PDZD2: variants seen among roughly 807,000 people sequenced by gnomAD.
PDZD2 encodes the protein PDZ domain-containing protein 2.
Under a neutral mutation model 220.7 loss-of-function variants are expected in PDZD2, and 90 were observed. The ratio of observed to expected loss-of-function variants is 0.41; its 90% CI spans 0.34 to 0.49. PDZD2 has a LOEUF of 0.49. PDZD2 is among the 20% of genes least tolerant of loss of function. The pLI is 0.28. For synonymous variants in PDZD2, 1,375 were observed against 1,450.5 expected (o/e 0.95, Z 1.18); for missense variants, 3,174 against 3,608.5 (o/e 0.88, Z 3.08).
intron 2 of PDZD2, among the ~76,000 whole-genome samples, chr5:31,894,471 C>G (rs1428170835): frequency 6.6e-6 from 1 of 152,012 alleles, no homozygotes; most frequent in Non-Finnish European, 1.5e-5. Flanking sequence ...GTTTTTTTCC[C>G]TTCCAGCTTT....
chr5:31,812,039 A>ATTC (rs1554078251), intron 2 of PDZD2, among the ~76,000 whole-genome samples: 2 of 113,998 alleles, frequency 1.8e-5, no homozygotes, highest in East Asian at 5.0e-4. Context: ...AATAAATAAA[A>ATTC]ATTCAAGCTC....
At chr5:31,974,003 CAG>C (rs1224490045) in intron 2 of PDZD2, among the ~76,000 whole-genome samples, 2 of 152,184 alleles carry the variant, frequency 1.3e-5, no homozygotes, top group African/African-American at 2.4e-5. Flanking sequence ...TGTTTTGAGA[CAG>C]AGTCTCACTC....
At chr5:32,028,681 T>TG (rs374956295) in intron 6 of PDZD2, among the ~76,000 whole-genome samples, 65 of 142,554 alleles carry the variant, frequency 4.6e-4, no homozygotes, top group Middle Eastern at 3.7e-3. Flanking sequence ...TTTTGTTTTT[T>TG]TTGTTTTTTT....
intron 1 of PDZD2, among the ~76,000 whole-genome samples, chr5:31,682,113 G>C (rs1397286078): frequency 2.0e-5 from 3 of 152,188 alleles, no homozygotes; most frequent in African/African-American, 7.2e-5. Flanking sequence ...AGGAACTGGG[G>C]CTGGTTAAAC....
intron 2 of PDZD2, among the ~76,000 whole-genome samples, chr5:31,969,509 CAAAAAAAAAAAAAAA>C (rs56755290): frequency 0.015 from 794 of 51,448 alleles, 44 homozygotes; most frequent in African/African-American, 0.068. Context: ...GCCCCCTCTC[CAAAAAAAAAAAAAAA>C]AAAAAAAAAA....
At chr5:31,706,064 C>T (rs67591705) in intron 1 of PDZD2, among the ~76,000 whole-genome samples, 20,758 of 152,064 alleles carry the variant, frequency 0.14, 1,548 homozygotes, top group East Asian at 0.21. Flanking sequence ...AATAACAACA[C>T]CACCACCAAA....
At chr5:32,050,830 C>A (rs571813451) in intron 8 of PDZD2, among the ~76,000 whole-genome samples, 21 of 152,094 alleles carry the variant, frequency 1.4e-4, no homozygotes, top group African/African-American at 5.1e-4. Context: ...CTTAAATAAA[C>A]AAATAAAATA....
chr5:32,019,741 C>A (rs973981365), intron 6 of PDZD2, among the ~76,000 whole-genome samples: 10 of 152,132 alleles, frequency 6.6e-5, no homozygotes, highest in Admixed American at 2.0e-4. Context: ...TTGAAAAATT[C>A]TTTCAGATTT....
At chr5:31,797,623 G>A (rs1189867551) in intron 1 of PDZD2, among the ~76,000 whole-genome samples, 3 of 152,148 alleles carry the variant, frequency 2.0e-5, no homozygotes, top group Non-Finnish European at 4.4e-5. Context: ...GTGAGCCACC[G>A]CGCCCAGCCT....
At chr5:31,859,619 G>A (rs952997416) in intron 2 of PDZD2, among the ~76,000 whole-genome samples, 4 of 152,118 alleles carry the variant, frequency 2.6e-5, no homozygotes, top group South Asian at 4.2e-4. Flanking sequence ...TGCACTCTTT[G>A]TTTCCTCTGA....
At chr5:32,092,375 C>T (rs1224852615) in intron 20 of PDZD2, among the ~76,000 whole-genome samples, 1 of 151,432 alleles carries the variant, frequency 6.6e-6, no homozygotes, top group African/African-American at 2.4e-5. Context: ...GAGTTCAAGA[C>T]CAGCCTGGCC....
At chr5:31,918,036 T>C (rs988957692) in intron 2 of PDZD2, among the ~76,000 whole-genome samples, 6 of 152,322 alleles carry the variant, frequency 3.9e-5, no homozygotes, top group Admixed American at 6.5e-5. Flanking sequence ...CTTACAGTCA[T>C]GGCAGAAGGT....
intron 7 of PDZD2, among the ~76,000 whole-genome samples, chr5:32,046,025 T>G (rs1737917877): frequency 6.6e-6 from 1 of 152,162 alleles, no homozygotes; most frequent in Admixed American, 6.5e-5. Flanking sequence ...GAACTTGATA[T>G]ATGAGGAATC....
chr5:32,016,564 C>G (rs12657024), intron 6 of PDZD2, among the ~76,000 whole-genome samples: 1 of 151,940 alleles, frequency 6.6e-6, no homozygotes, highest in Non-Finnish European at 1.5e-5. Context: ...CTATGGGGAG[C>G]GCATGTTCTT....
intron 18 of PDZD2, among the ~76,000 whole-genome samples, chr5:32,076,451 A>G (rs1015688923): frequency 7.9e-5 from 12 of 152,180 alleles, no homozygotes; most frequent in Admixed American, 4.6e-4. Context: ...AAACTTGTAC[A>G]AGACTAATTT....
chr5:32,070,551 C>T (rs1370909193), intron 15 of PDZD2, among the ~76,000 whole-genome samples: 1 of 152,200 alleles, frequency 6.6e-6, no homozygotes, highest in East Asian at 1.9e-4. Flanking sequence ...AAATCCTGAG[C>T]CTTTTCACCC....
At chr5:32,025,487 T>C in intron 6 of PDZD2, among the ~76,000 whole-genome samples, 1 of 147,656 alleles carries the variant, frequency 6.8e-6, no homozygotes, top group South Asian at 2.3e-4. Flanking sequence ...ATCGCGCCAT[T>C]GCACTCCAGC....
rs1738688256 is a variant in PDZD2, at chr5:32,052,720, A to C, written c.1775A>C (p.Glu592Ala). ...SVISIIGLYKEKGKGLGFSIA... is the reference protein window; with the variant it reads ...SVISIIGLYKAKGKGLGFSIA... Reference sequence around the variant, plus strand: ...ATCTCGATCATTGGGTTGTACAAAGAAAAAGGCAAGGTGAGCTCTTTTCTG... The same window carrying C: ...ATCTCGATCATTGGGTTGTACAAAGCAAAAGGCAAGGTGAGCTCTTTTCTG... The change falls in exon 9 of 25, where the codon GAA becomes GCA. Residue 592 changes from glutamate (E) to alanine (A), a missense_variant. Glu to Ala is a moderately radical substitution (Grantham distance 107, BLOSUM62 -1). Around this residue, in one of 4 missense-constraint regions of PDZD2, gnomAD observed 50 missense variants for 109.5 expected, o/e 0.46. Transcript: ENST00000438447. The C allele has an allele frequency of 6.2e-7, 1 of 1,613,652 alleles. No individual in the cohort carries two copies. Among genetic ancestry groups the C allele is most frequent in the African/African-American group, 1.3e-5 (1 of 74,936 alleles).
intron 2 of PDZD2, among the ~76,000 whole-genome samples, chr5:31,892,403 T>C (rs1741124810): frequency 6.6e-6 from 1 of 152,226 alleles, no homozygotes; most frequent in African/African-American, 2.4e-5. Flanking sequence ...ATAGGATTTA[T>C]TGCACACACA....
Sources: allele counts gnomAD v4.1 joint callset (sites outside exome capture counted in the v4.1 genomes callset), GRCh38; gene constraint gnomAD v4.1.1; regional missense constraint gnomAD v4.1.1; transcripts MANE v1.5; gene names NCBI Gene and HGNC (gene_info 2026-07-23, HGNC 2026-07-21).